Variants in GLYATL1 observed in about 807,000 individuals in gnomAD.
The protein encoded by GLYATL1 is glycine-N-acyltransferase like 1.
A neutral mutation model predicts 20.0 loss-of-function variants in GLYATL1; 15 were observed. The observed-to-expected ratio is 0.75, with a 90% CI of 0.50 to 1.15. The LOEUF (loss-of-function observed/expected upper bound fraction) is 1.15, where lower values mean the gene tolerates loss of function less well. Ranked by LOEUF, GLYATL1 falls within the 50% of genes most tolerant of loss-of-function variation. GLYATL1 has a pLI of 0.00. For missense variants in GLYATL1, 380 were observed against 368.5 expected (o/e 1.03, Z -0.26); for synonymous variants, 151 against 131.5 (o/e 1.15, Z -1.01).
intron 1 of GLYATL1, among the ~76,000 whole-genome samples, chr11:58,916,238 T>C (rs770651173): frequency 4.6e-5 from 7 of 152,186 alleles, no homozygotes; most frequent in Non-Finnish European, 7.3e-5. Flanking sequence ...CTCCTTAAGA[T>C]CTCAGGTCCC....
intron 4 of GLYATL1, among the ~76,000 whole-genome samples, chr11:58,952,837 C>T (rs1857091600): frequency 6.6e-6 from 1 of 152,118 alleles, no homozygotes; most frequent in Non-Finnish European, 1.5e-5. Context: ...CAGTAATTTG[C>T]TTAGGATTAT....
intron 1 of GLYATL1, among the ~76,000 whole-genome samples, chr11:58,918,330 A>G (rs984034429): frequency 1.6e-4 from 24 of 152,264 alleles, no homozygotes; most frequent in African/African-American, 5.5e-4. Flanking sequence ...AACATGAGCT[A>G]ATTTTCACAT....
chr11:58,927,535 C>G (rs961458557), upstream of GLYATL1: 2 of 152,278 alleles, frequency 1.3e-5, no homozygotes, highest in Admixed American at 6.5e-5. Context: ...CTTGGGCTGA[C>G]TTTGTTGTAT....
chr11:58,944,688 TA>T (rs1856438345), intron 2 of GLYATL1, among the ~76,000 whole-genome samples: 1 of 152,204 alleles, frequency 6.6e-6, no homozygotes, highest in South Asian at 2.1e-4. Flanking sequence ...TATATTTTGA[TA>T]TTTTTACCCA....
downstream of GLYATL1, among the ~76,000 whole-genome samples, chr11:58,910,634 G>A (rs1261914613): frequency 6.6e-6 from 1 of 152,036 alleles, no homozygotes; most frequent in African/African-American, 2.4e-5. Context: ...AACTGTTTGT[G>A]GAGAAAATAG....
At chr11:58,951,906 T>C (rs1325465563) in intron 4 of GLYATL1, among the ~76,000 whole-genome samples, 1 of 152,144 alleles carries the variant, frequency 6.6e-6, no homozygotes, top group Non-Finnish European at 1.5e-5. Flanking sequence ...GTTTTGTTTT[T>C]TTGTCGAAGT....
chr11:58,922,928 G>C (rs1035174499), upstream of GLYATL1, among the ~76,000 whole-genome samples: 1 of 152,154 alleles, frequency 6.6e-6, no homozygotes, highest in Non-Finnish European at 1.5e-5. Flanking sequence ...CCTTCAGCCA[G>C]CCAGCCAACA....
At chr11:58,949,132 AT>A (rs1365562293) in intron 4 of GLYATL1, among the ~76,000 whole-genome samples, 1 of 152,156 alleles carries the variant, frequency 6.6e-6, no homozygotes, top group African/African-American at 2.4e-5. Flanking sequence ...ACCTAGGTGT[AT>A]TTTTTTCCTA....
intron 3 of GLYATL1, 23 bp from the exon 4 acceptor site, chr11:58,947,834 TG>T: frequency 6.7e-7 from 1 of 1,498,870 alleles, no homozygotes; most frequent in South Asian, 1.1e-5. Flanking sequence ...CAACCTCTCC[TG>T]GTCCCTTTCA....
intron 2 of GLYATL1, among the ~76,000 whole-genome samples, chr11:58,945,687 G>C (rs537047836): frequency 1.3e-5 from 2 of 152,160 alleles, no homozygotes; most frequent in South Asian, 4.1e-4. Context: ...AATCAGGTGA[G>C]AAACAGAGCA....
At chr11:58,921,753 T>TTCTC (rs985366285) in intron 1 of GLYATL1, among the ~76,000 whole-genome samples, 2 of 152,186 alleles carry the variant, frequency 1.3e-5, no homozygotes, top group Non-Finnish European at 2.9e-5. Flanking sequence ...GCCTCCTTCT[T>TTCTC]TGCCTTCTGA....
chr11:58,920,829 A>G lies in GLYATL1; in HGVS notation n.264+15168A>G, dbSNP rs534150648. ...GTTGCTGCCATAAAGTCAGTTTATT[A>G]TCTTCTTGCACCAGTAGGGCAGTGG... On this transcript the variant is annotated intron_variant and non_coding_transcript_variant, in intron 1 of 2. Coordinates refer to the GLYATL1 transcript ENST00000534674. 2.0e-5 allele frequency among the ~76,000 whole-genome samples: 3 copies of G among 152,316 alleles called. No individual in the cohort carries two copies. In the East Asian group the frequency reaches 5.8e-4, roughly 29 times the overall value.
Position 58,955,843 on chromosome 11 carries a change from G to C in GLYATL1, c.725G>C (p.Gly242Ala). Reference sequence around the variant, plus strand: ...AGCATGGAAAAATACCGAAGGACAGGCAACATGGCACGAGTGATGGTGCGA... The same window carrying C: ...AGCATGGAAAAATACCGAAGGACAGCCAACATGGCACGAGTGATGGTGCGA... ...AYSMEKYRRT[G>A]NMARVMVRYM... Residue 242 changes from glycine to alanine, a missense_variant, in exon 7 of 7, where the codon GGC becomes GCC. Physicochemically the swap from Gly to Ala is moderately conservative, Grantham distance 60. Coordinates refer to ENST00000532726, the MANE Select transcript of GLYATL1 (RefSeq NM_001389712.2). 1 of 1,614,176 alleles carries C rather than the reference G, an allele frequency of 6.2e-7. No homozygotes were observed. Among genetic ancestry groups the C allele is most frequent in the Non-Finnish European group, 8.5e-7 (1 of 1,180,038 alleles).
chr11:58,919,754 G>A (rs976545694), intron 1 of GLYATL1, among the ~76,000 whole-genome samples: 3 of 152,178 alleles, frequency 2.0e-5, no homozygotes, highest in African/African-American at 7.2e-5. Flanking sequence ...GTTCGGGTAG[G>A]CCCCTGCTGA....
chr11:58,911,261 C>T (rs932231840), downstream of GLYATL1, among the ~76,000 whole-genome samples: 5 of 152,120 alleles, frequency 3.3e-5, no homozygotes, highest in African/African-American at 1.2e-4. Context: ...AGTTTGGGGG[C>T]TTTGTAAATA....
rs770065410 is a variant in GLYATL1, at chr11:58,955,841, A to C, written c.723A>C (p.Thr241=). 6.2e-7 allele frequency: 1 copy of C among 1,614,242 alleles called. No individual in the cohort carries two copies. Among genetic ancestry groups the C allele is most frequent in the South Asian group, 1.1e-5 (1 of 91,086 alleles). Residue 241 remains threonine, a synonymous_variant, in exon 7 of 7, where the codon ACA becomes ACC. Transcript: ENST00000532726. The stretch of plus-strand genomic sequence containing the variant: ...ACAGCATGGAAAAATACCGAAGGAC[A>C]GGCAACATGGCACGAGTGATGGTGC... The part of the protein sequence containing the change: ...MAYSMEKYRR[T]GNMARVMVRY...
chr11:58,910,018 A>G (rs1286499158), downstream of GLYATL1, among the ~76,000 whole-genome samples: 1 of 152,186 alleles, frequency 6.6e-6, no homozygotes, highest in Admixed American at 6.5e-5. Flanking sequence ...TAATGAGTCT[A>G]TCCTGGTTTT....
At chr11:58,918,652 G>A (rs1481425150) in intron 1 of GLYATL1, among the ~76,000 whole-genome samples, 1 of 152,176 alleles carries the variant, frequency 6.6e-6, no homozygotes, top group African/African-American at 2.4e-5. Context: ...CAAAGCAACA[G>A]AATAATGGAA....
chr11:58,938,094 A>G (rs1395595405), upstream of GLYATL1, among the ~76,000 whole-genome samples: 1 of 152,244 alleles, frequency 6.6e-6, no homozygotes, highest in Non-Finnish European at 1.5e-5. Context: ...TATGCTTACA[A>G]CCTCAAAAAT....
Sources: allele counts gnomAD v4.1 joint callset (sites outside exome capture counted in the v4.1 genomes callset), GRCh38; gene constraint gnomAD v4.1.1; transcripts MANE v1.5; gene names NCBI Gene and HGNC (gene_info 2026-07-23, HGNC 2026-07-21).